Variants in GTF2F2 observed in about 807,000 individuals in gnomAD.
The protein encoded by GTF2F2 is ATP-dependent helicase GTF2F2.
In GTF2F2, 23 loss-of-function variants were observed where a neutral mutation model predicts 42.2. That is an observed-to-expected ratio of 0.55 (90% CI 0.39 to 0.77). The LOEUF (loss-of-function observed/expected upper bound fraction) is 0.77. Ranked by LOEUF, GTF2F2 falls within the 30% of genes least tolerant of loss-of-function variation. The pLI is 0.00. For missense variants in GTF2F2, 261 were observed against 287.2 expected (o/e 0.91, Z 0.66); for synonymous variants, 105 against 100.8 (o/e 1.04, Z -0.25).
chr13:45,268,781 T>G (rs1186553780), intron 7 of GTF2F2, among the ~76,000 whole-genome samples: 1 of 152,180 alleles, frequency 6.6e-6, no homozygotes, highest in Non-Finnish European at 1.5e-5. Flanking sequence ...TGGAAAATAA[T>G]CACTTGTAGA....
At chr13:45,257,051 C>T (rs941756077) in intron 6 of GTF2F2, among the ~76,000 whole-genome samples, 2 of 152,086 alleles carry the variant, frequency 1.3e-5, no homozygotes, top group Non-Finnish European at 2.9e-5. Flanking sequence ...TTTTCACCCA[C>T]CTATGGCAAA....
chr13:45,184,229 A>T (rs1872304204), intron 4 of GTF2F2, among the ~76,000 whole-genome samples: 1 of 152,060 alleles, frequency 6.6e-6, no homozygotes, highest in Non-Finnish European at 1.5e-5. Flanking sequence ...TATGGAAACA[A>T]CCATAGATGA....
At chr13:45,215,159 C>G (rs1238769698) in intron 5 of GTF2F2, among the ~76,000 whole-genome samples, 1 of 152,140 alleles carries the variant, frequency 6.6e-6, no homozygotes, top group Non-Finnish European at 1.5e-5. Flanking sequence ...AGAGGAAATG[C>G]TTTGAGAAGT....
At chr13:45,176,661 CT>C (rs1458369344) in intron 4 of GTF2F2, among the ~76,000 whole-genome samples, 3 of 152,070 alleles carry the variant, frequency 2.0e-5, no homozygotes, top group Non-Finnish European at 4.4e-5. Context: ...GTGGCTTGTG[CT>C]TTTGTGTCTC....
intron 4 of GTF2F2, chr13:45,194,077 A>C (rs1028298701): frequency 1.2e-5 from 20 of 1,614,008 alleles, no homozygotes; most frequent in Non-Finnish European, 1.7e-5. Flanking sequence ...TTTTGATATG[A>C]AATCAGGAGC....
chr13:45,192,329 T>C (rs1254921281), intron 4 of GTF2F2, among the ~76,000 whole-genome samples: 1 of 152,206 alleles, frequency 6.6e-6, no homozygotes, highest in Non-Finnish European at 1.5e-5. Flanking sequence ...TTTTAGCATA[T>C]ACAGCCAACT....
intron 5 of GTF2F2, among the ~76,000 whole-genome samples, chr13:45,221,703 C>A (rs1874123455): frequency 1.3e-5 from 2 of 151,522 alleles, no homozygotes; most frequent in African/African-American, 2.4e-5. Context: ...TAGTGTAGAT[C>A]TAGTCATACC....
intron 4 of GTF2F2, among the ~76,000 whole-genome samples, chr13:45,199,430 C>T (rs1019177549): frequency 6.6e-6 from 1 of 152,210 alleles, no homozygotes; most frequent in Non-Finnish European, 1.5e-5. Flanking sequence ...TCATGTTTTA[C>T]ATGTACTTTG....
intron 1 of GTF2F2, among the ~76,000 whole-genome samples, chr13:45,134,881 G>T (rs548441194): frequency 7.2e-5 from 11 of 151,946 alleles, no homozygotes; most frequent in Non-Finnish European, 1.6e-4. Context: ...ATTTTGCAGG[G>T]CAATTGGAAG....
At chr13:45,248,890 A>T (rs1875759121) in intron 5 of GTF2F2, among the ~76,000 whole-genome samples, 1 of 152,174 alleles carries the variant, frequency 6.6e-6, no homozygotes, top group African/African-American at 2.4e-5. Flanking sequence ...CTGTATTTTT[A>T]AATTTTCTGA....
At chr13:45,238,955 A>G (rs1875143127) in intron 5 of GTF2F2, among the ~76,000 whole-genome samples, 1 of 151,988 alleles carries the variant, frequency 6.6e-6, no homozygotes, top group Non-Finnish European at 1.5e-5. Flanking sequence ...GAAAAAAAAA[A>G]AAAAAGGAAA....
At chr13:45,221,145 G>T (rs577327817) in intron 5 of GTF2F2, among the ~76,000 whole-genome samples, 12 of 152,028 alleles carry the variant, frequency 7.9e-5, no homozygotes, top group African/African-American at 2.7e-4. Flanking sequence ...TTGGTTGTTA[G>T]CCCACCTCTA....
intron 5 of GTF2F2, among the ~76,000 whole-genome samples, chr13:45,251,572 A>G (rs1875880607): frequency 6.6e-6 from 1 of 152,004 alleles, no homozygotes; most frequent in African/African-American, 2.4e-5. Context: ...CCCATCTTTC[A>G]TGTTAGTTTC....
At position 45,221,807 on chromosome 13, in the gene GTF2F2, C is replaced by T. The variant is rs141367362; in HGVS notation, c.386+14302C>T. 4.1e-3 allele frequency among the ~76,000 whole-genome samples: 626 copies of T among 152,218 alleles called. 3 individuals carry two copies. The highest frequency in any genetic ancestry group is 0.014 in the African/African-American group (580 of 41,534). On this transcript the variant is annotated intron_variant, in intron 5 of 7. Transcript: ENST00000340473. Reference sequence around the variant, plus strand: ...TCTGATCCTGAAGCTTTTTTAACCTCTTCTTCCACTACACATCTCATTCAT... The same window carrying T: ...TCTGATCCTGAAGCTTTTTTAACCTTTTCTTCCACTACACATCTCATTCAT...
chr13:45,275,742 G>T (rs1877006598), intron 7 of GTF2F2, among the ~76,000 whole-genome samples: 1 of 151,996 alleles, frequency 6.6e-6, no homozygotes, highest in South Asian at 2.1e-4. Flanking sequence ...TTGCTATTGT[G>T]AATAGTGCTG....
chr13:45,176,135 A>C (rs1319491108), intron 4 of GTF2F2, among the ~76,000 whole-genome samples: 1 of 152,110 alleles, frequency 6.6e-6, no homozygotes, highest in African/African-American at 2.4e-5. Flanking sequence ...TGTTGTTTAT[A>C]ATTTTTAGCT....
In GTF2F2 at chr13:45,236,849, TC is replaced by T. The variant is rs562079224; in HGVS notation, c.387-16021del. Reference sequence around the variant, plus strand: ...TGCAGTTTGTCTGAAAGTGACCCTGTCTCCTGTGAAGAAAATTATATAACCT... The same window carrying T: ...TGCAGTTTGTCTGAAAGTGACCCTGTTCCTGTGAAGAAAATTATATAACCT... On this transcript the variant is annotated intron_variant, in intron 5 of 7. Coordinates refer to ENST00000340473, the MANE Select transcript of GTF2F2 (RefSeq NM_004128.3). Among the ~76,000 whole-genome samples, 12 of 152,294 alleles carry T rather than the reference TC, an allele frequency of 7.9e-5. No homozygotes were observed. The South Asian group carries it at 2.5e-3, about 32-fold the overall frequency.
intron 5 of GTF2F2, 115 bp downstream of exon 5, chr13:45,207,620 T>C: frequency 1.6e-6 from 1 of 640,744 alleles, no homozygotes; most frequent in Admixed American, 2.6e-5. Context: ...GAGTGTTTGC[T>C]TCAAAAGCTG....
At chr13:45,124,964 G>A (rs1331546333) in intron 1 of GTF2F2, among the ~76,000 whole-genome samples, 1 of 152,208 alleles carries the variant, frequency 6.6e-6, no homozygotes, top group African/African-American at 2.4e-5. Context: ...ATAGATGTGA[G>A]CCACCCTTCC....
Sources: gnomAD v4.1 joint callset for allele counts (sites outside exome capture counted in the v4.1 genomes callset) on GRCh38, gnomAD v4.1.1 for gene constraint, MANE v1.5 for transcripts, NCBI Gene and HGNC (gene_info 2026-07-23, HGNC 2026-07-21) for gene names.